PAK1: variants seen among roughly 807,000 people sequenced by gnomAD.
The protein encoded by PAK1 is serine/threonine-protein kinase PAK 1.
A neutral mutation model predicts 67.4 loss-of-function variants in PAK1; 29 were observed. The ratio of observed to expected loss-of-function variants is 0.43; its 90% CI spans 0.32 to 0.59. The LOEUF (loss-of-function observed/expected upper bound fraction) is 0.59. Among genes scored for constraint, PAK1 ranks in the 20% least tolerant of loss-of-function variants. PAK1 has a pLI of 0.07. For missense variants in PAK1, 337 were observed against 670.7 expected, an observed-to-expected ratio of 0.50 and a Z score of 5.50; for synonymous variants, 223 against 237.4, an observed-to-expected ratio of 0.94 and a Z score of 0.56.
intron 1 of PAK1, among the ~76,000 whole-genome samples, chr11:77,415,793 T>A (rs965576645): frequency 6.6e-5 from 10 of 151,484 alleles, no homozygotes; most frequent in African/African-American, 2.4e-4. Flanking sequence ...TAAACTTAAA[T>A]TTTTTTTTCT....
At chr11:77,488,483 A>G in the PAK1 span, among the ~76,000 whole-genome samples, 1 of 152,208 alleles carries the variant, frequency 6.6e-6, no homozygotes, top group Non-Finnish European at 1.5e-5. Flanking sequence ...TAATAGAGAT[A>G]TGTGACCTTT....
At chr11:77,461,186 T>C (rs1209458964) in intron 1 of PAK1, among the ~76,000 whole-genome samples, 1 of 152,210 alleles carries the variant, frequency 6.6e-6, no homozygotes, top group Non-Finnish European at 1.5e-5. Context: ...GAAAGCTATA[T>C]GCAGTGCTAT....
At chr11:77,422,734 A>C (rs373466020) in intron 1 of PAK1, among the ~76,000 whole-genome samples, 8 of 152,192 alleles carry the variant, frequency 5.3e-5, no homozygotes, top group African/African-American at 1.9e-4. Flanking sequence ...ACAAAGTTCT[A>C]GTCAGTAAGT....
the PAK1 span, among the ~76,000 whole-genome samples, chr11:77,509,314 T>C: frequency 1.3e-5 from 2 of 152,166 alleles, no homozygotes; most frequent in Non-Finnish European, 2.9e-5. Context: ...GGCCTGAGTC[T>C]TGCTGATGTA....
intron 9 of PAK1, among the ~76,000 whole-genome samples, chr11:77,348,163 T>C (rs970531221): frequency 3.3e-5 from 5 of 152,152 alleles, no homozygotes; most frequent in Non-Finnish European, 7.4e-5. Context: ...CCACCAAAAA[T>C]ATAGAAGCAC....
intron 1 of PAK1, among the ~76,000 whole-genome samples, chr11:77,415,904 G>C (rs561723269): frequency 2.0e-5 from 3 of 151,686 alleles, no homozygotes; most frequent in Non-Finnish European, 2.9e-5. Flanking sequence ...CTTGGCTTAA[G>C]ACACAAGCAC....
rs73501427 is a variant in PAK1 at position 77,345,781 on chromosome 11, G to C, written c.886-1850C>G. 2.0e-3 allele frequency among the ~76,000 whole-genome samples: 309 copies of C among 152,332 alleles called. 1 individual carries two copies. Among genetic ancestry groups the C allele is most frequent in the African/African-American group, 7.0e-3 (290 of 41,578 alleles). ...TTGAAAAGCAACATGTTGATCTAAA[G>C]ATATTAAGTATAGTTAGCCCTTATA... On this transcript the variant is annotated intron_variant, in intron 9 of 14. Transcript: ENST00000356341.
At chr11:77,528,184 A>G in the PAK1 span, among the ~76,000 whole-genome samples, 1 of 152,168 alleles carries the variant, frequency 6.6e-6, no homozygotes, top group Admixed American at 6.5e-5. Flanking sequence ...TCATTTCATC[A>G]TCAATATTTC....
At chr11:77,394,787 G>A (rs896116883) in intron 1 of PAK1, among the ~76,000 whole-genome samples, 2 of 152,198 alleles carry the variant, frequency 1.3e-5, no homozygotes, top group Non-Finnish European at 2.9e-5. Context: ...AGAGGTTGCA[G>A]TGAGCTGAGA....
intron 10 of PAK1, among the ~76,000 whole-genome samples, chr11:77,342,799 A>T (rs1290701476): frequency 1.3e-5 from 2 of 152,198 alleles, no homozygotes; most frequent in African/African-American, 4.8e-5. Context: ...GTCATGCAAT[A>T]TAAGAGGTAA....
intron 1 of PAK1, among the ~76,000 whole-genome samples, chr11:77,414,045 G>A (rs1018155187): frequency 1.3e-5 from 2 of 152,176 alleles, no homozygotes; most frequent in African/African-American, 4.8e-5. Flanking sequence ...CCAGCACTAT[G>A]AGGCAGTGTT....
chr11:77,490,335 G>T, the PAK1 span, among the ~76,000 whole-genome samples: 1 of 145,176 alleles, frequency 6.9e-6, no homozygotes, highest in Non-Finnish European at 1.5e-5. Flanking sequence ...GAGGTGGGGG[G>T]GTCAGCCCCC....
At chr11:77,520,003 C>CG in the PAK1 span, among the ~76,000 whole-genome samples, 21 of 84,008 alleles carry the variant, frequency 2.5e-4, no homozygotes, top group Admixed American at 2.2e-3. Flanking sequence ...TGGCCTGTGG[C>CG]CCCCCCCTCC....
chr11:77,524,392 T>C, the PAK1 span, among the ~76,000 whole-genome samples: 10 of 152,238 alleles, frequency 6.6e-5, no homozygotes, highest in Non-Finnish European at 1.3e-4. Context: ...TCCATTCAAC[T>C]GCATTCATCC....
At chr11:77,333,194 CTTTT>C (rs886805892) in intron 13 of PAK1, among the ~76,000 whole-genome samples, 1 of 127,150 alleles carries the variant, frequency 7.9e-6, no homozygotes, top group Non-Finnish European at 1.7e-5. Context: ...TCTTCTTCTT[CTTTT>C]TTTTTTTTTT....
At position 77,325,687 on chromosome 11, in the gene PAK1, G is replaced by C. The variant is rs921178104; in HGVS notation, c.1552-2327C>G. ...ACAACTCTCATGAACAGCAAAAGGG[G>C]TCCTACATTGTACTAAGAGACTTTT... On this transcript the variant is annotated intron_variant, in intron 14 of 14. Coordinates refer to ENST00000356341, the MANE Select transcript of PAK1 (RefSeq NM_002576.5). 3.3e-5 allele frequency among the ~76,000 whole-genome samples: 5 copies of C among 152,128 alleles called. No homozygotes were observed. The East Asian group carries it at 7.7e-4, about 23-fold the overall frequency.
At chr11:77,415,363 G>A (rs1242569630) in intron 1 of PAK1, among the ~76,000 whole-genome samples, 2 of 152,152 alleles carry the variant, frequency 1.3e-5, no homozygotes, top group African/African-American at 4.8e-5. Context: ...CTTAATGACA[G>A]GCATACATTC....
At chr11:77,472,550 G>A (rs1330385209) in intron 1 of PAK1, among the ~76,000 whole-genome samples, 3 of 152,198 alleles carry the variant, frequency 2.0e-5, no homozygotes, top group Non-Finnish European at 4.4e-5. Flanking sequence ...AACTTCTGGA[G>A]CTTTTAAGGC....
chr11:77,428,464 C>T (rs575251756), intron 1 of PAK1, among the ~76,000 whole-genome samples: 1 of 151,482 alleles, frequency 6.6e-6, no homozygotes, highest in South Asian at 2.1e-4. Context: ...CCCAGCTACT[C>T]GGGAGGCTGA....
Sources: allele counts gnomAD v4.1 joint callset (sites outside exome capture counted in the v4.1 genomes callset), GRCh38; gene constraint gnomAD v4.1.1; transcripts MANE v1.5; gene names NCBI Gene and HGNC (gene_info 2026-07-23, HGNC 2026-07-21).